Variants in CNTN1 observed in about 807,000 individuals in gnomAD.
The protein encoded by CNTN1 is contactin-1.
A neutral mutation model predicts 126.4 loss-of-function variants in CNTN1; 38 were observed. The ratio of observed to expected loss-of-function variants is 0.30; its 90% confidence interval spans 0.23 to 0.39. The LOEUF is 0.39. Among genes scored for constraint, CNTN1 ranks in the 10% least tolerant of loss-of-function variants. The pLI, the probability that CNTN1 is intolerant of heterozygous loss-of-function variation, is 1.00. For synonymous variants in CNTN1, 413 were observed against 422.6 expected (o/e 0.98, Z 0.28); for missense variants, 1,009 against 1,248.4 (o/e 0.81, Z 2.89).
chr12:40,980,481 A>AGGAT (rs1174413582), intron 15 of CNTN1, among the ~76,000 whole-genome samples: 1 of 150,634 alleles, frequency 6.6e-6, no homozygotes, highest in Non-Finnish European at 1.5e-5. Context: ...AAGAACAAAG[A>AGGAT]GGATGTGTTC....
At chr12:40,889,415 C>T (rs1007459198) in intron 1 of CNTN1, among the ~76,000 whole-genome samples, 2 of 152,202 alleles carry the variant, frequency 1.3e-5, no homozygotes, top group African/African-American at 4.8e-5. Flanking sequence ...CAATTTATCC[C>T]TTTACATATT....
intron 1 of CNTN1, among the ~76,000 whole-genome samples, chr12:40,714,257 G>A (rs77337839): frequency 1.4e-3 from 207 of 152,090 alleles, no homozygotes; most frequent in Non-Finnish European, 2.6e-3. Context: ...AAGCAGTTTG[G>A]GCACTTCATG....
intron 1 of CNTN1, among the ~76,000 whole-genome samples, chr12:40,719,013 T>C (rs969050213): frequency 2.0e-5 from 3 of 152,142 alleles, no homozygotes; most frequent in Non-Finnish European, 4.4e-5. Context: ...GATTTTTTTT[T>C]AACAGAGGCT....
At chr12:40,937,774 C>G in intron 11 of CNTN1, 87 bp downstream of exon 11, 1 of 826,410 alleles carries the variant, frequency 1.2e-6, no homozygotes, top group Non-Finnish European at 2.1e-6. Flanking sequence ...CACAAAATAC[C>G]CAGTATTGTG....
chr12:41,024,616 C>T (rs1446883581), intron 20 of CNTN1, among the ~76,000 whole-genome samples: 4 of 151,766 alleles, frequency 2.6e-5, no homozygotes, highest in Admixed American at 2.0e-4. Context: ...TATATGGGTT[C>T]AAAGGAAATA....
intron 1 of CNTN1, among the ~76,000 whole-genome samples, chr12:40,864,357 T>C (rs1943227776): frequency 6.6e-6 from 1 of 152,004 alleles, no homozygotes; most frequent in Non-Finnish European, 1.5e-5. Context: ...TATTGAGATA[T>C]TATTCACATA....
rs547161198 is a variant in CNTN1 at position 40,729,213 on chromosome 12, C to T, written c.-77+36621C>T. 3 of 195,334 alleles carry T rather than the reference C, an allele frequency of 1.5e-5. No individual in the cohort carries two copies. In the East Asian group the frequency reaches 3.7e-4, roughly 24 times the overall value. 12.1% of individuals were successfully genotyped at this position (195,334 alleles called of 1,614,324 possible). ...TCTGATCTGAAGATCAAAAGGGATGCGACTTGTATCTAAGCTGCTAGAGAA... is the reference window on the plus strand; with the variant it reads ...TCTGATCTGAAGATCAAAAGGGATGTGACTTGTATCTAAGCTGCTAGAGAA... On this transcript the variant is annotated intron_variant, in intron 1 of 23. Coordinates refer to ENST00000551295, the MANE Select transcript of CNTN1 (RefSeq NM_001843.4).
chr12:41,030,241 T>C (rs1222704518), intron 23 of CNTN1, among the ~76,000 whole-genome samples: 2 of 151,968 alleles, frequency 1.3e-5, no homozygotes, highest in Non-Finnish European at 2.9e-5. Context: ...GAAATAAATA[T>C]GCTATATATT....
Position 41,070,206 on chromosome 12 carries a change from C to A in CNTN1, c.*171C>A, listed in dbSNP as rs417855. 6.9e-5 allele frequency: 45 copies of A among 653,612 alleles called. No homozygotes were observed. The highest frequency in any genetic ancestry group is 4.7e-5 in the Non-Finnish European group (17 of 364,184). The allele number at this position is 653,612 out of a possible 1,614,324, so 40.5% of individuals were successfully genotyped here. On this transcript the variant is annotated 3_prime_UTR_variant, in exon 24 of 24. Coordinates refer to ENST00000551295, the MANE Select transcript of CNTN1 (RefSeq NM_001843.4). ...ACATGATGACTGAGGCATTCGGGAA[C>A]CCCTTCATCCAAAAGAATAAACTTT... is the stretch of plus-strand genomic sequence containing the variant.
chr12:41,027,592 A>G (rs933003656), intron 21 of CNTN1, among the ~76,000 whole-genome samples: 6 of 152,222 alleles, frequency 3.9e-5, no homozygotes, highest in African/African-American at 1.4e-4. Flanking sequence ...TAGCAATTTC[A>G]AAAGACTAGT....
At chr12:40,925,028 A>G (rs142425255) in intron 6 of CNTN1, among the ~76,000 whole-genome samples, 581 of 151,800 alleles carry the variant, frequency 3.8e-3, no homozygotes, top group African/African-American at 0.014. Flanking sequence ...GTTAGTATCT[A>G]TGAAATACTG....
In CNTN1 at chr12:40,929,779, G is replaced by T. The variant is rs142799954; in HGVS notation, c.497-17G>T. 5.0e-4 allele frequency: 793 copies of T among 1,581,524 alleles called. 2 individuals carry two copies. The African/African-American group carries it at 9.6e-3, about 19-fold the overall frequency. On this transcript the variant is annotated splice_polypyrimidine_tract_variant and intron_variant, in intron 6 of 23. Coordinates refer to ENST00000551295, the MANE Select transcript of CNTN1 (RefSeq NM_001843.4). ...GGGAGAAGCACTTAATATTTAGAAGGCAATATTTTCTCCTAGATGATCTTA... is the reference window on the plus strand; with the variant it reads ...GGGAGAAGCACTTAATATTTAGAAGTCAATATTTTCTCCTAGATGATCTTA...
Position 41,029,180 on chromosome 12 carries a change from G to A in CNTN1, c.2941G>A (p.Asp981Asn). The A allele has an allele frequency of 6.2e-7, 1 of 1,614,084 alleles. No homozygotes were observed. The highest frequency in any genetic ancestry group is 8.5e-7 in the Non-Finnish European group (1 of 1,180,010). Residue 981 changes from aspartate to asparagine, a missense_variant, in exon 23 of 24, where the codon GAT (aspartate) becomes AAT (asparagine). Transcript: ENST00000551295. The stretch of plus-strand genomic sequence containing the variant: ...CGTTGTGGAGGTTCGCGCGCACAGT[G>A]ATGGAGGAGATGGAGTGGTGTCTCA... ...EYVVEVRAHS[D>N]GGDGVVSQVK...
chr12:40,851,274 T>G (rs1307561697), intron 1 of CNTN1, among the ~76,000 whole-genome samples: 2 of 152,234 alleles, frequency 1.3e-5, no homozygotes, highest in Non-Finnish European at 2.9e-5. Flanking sequence ...TTGTATATAC[T>G]CTTTTCACTT....
intron 16 of CNTN1, among the ~76,000 whole-genome samples, chr12:40,984,101 T>G (rs929531324): frequency 5.3e-5 from 8 of 150,002 alleles, no homozygotes; most frequent in Non-Finnish European, 1.0e-4. Context: ...ACTTTTATAC[T>G]CAGTGAAATA....
At chr12:40,905,409 T>C (rs1472597390) in intron 1 of CNTN1, among the ~76,000 whole-genome samples, 1 of 152,204 alleles carries the variant, frequency 6.6e-6, no homozygotes, top group Non-Finnish European at 1.5e-5. Context: ...CACCTTTATT[T>C]ATCTGTTTCT....
chr12:40,958,931 A>G (rs1313806117), intron 14 of CNTN1, among the ~76,000 whole-genome samples, 183 bp from the exon 15 acceptor site: 1 of 152,124 alleles, frequency 6.6e-6, no homozygotes, highest in Non-Finnish European at 1.5e-5. Flanking sequence ...TCAATAAATT[A>G]TTCACTTTAT....
At chr12:40,831,833 G>A (rs903672716) in intron 1 of CNTN1, among the ~76,000 whole-genome samples, 1 of 152,064 alleles carries the variant, frequency 6.6e-6, no homozygotes, top group African/African-American at 2.4e-5. Context: ...TGCTTTCAAT[G>A]GGAACAAACA....
chr12:40,960,445 G>T (rs1038448711), intron 15 of CNTN1, among the ~76,000 whole-genome samples: 3 of 151,738 alleles, frequency 2.0e-5, no homozygotes, highest in African/African-American at 7.3e-5. Context: ...CCACATCTGG[G>T]TCAATATAAT....
Sources: gnomAD v4.1 joint callset for allele counts (sites outside exome capture counted in the v4.1 genomes callset) on GRCh38, gnomAD v4.1.1 for gene constraint, MANE v1.5 for transcripts, NCBI Gene and HGNC (gene_info 2026-07-23, HGNC 2026-07-21) for gene names.